The following MXI1 variants were observed in gnomAD, a reference collection of about 807,000 sequenced individuals.
MXI1 encodes the protein max-interacting protein 1.
MXI1 carries 18 observed loss-of-function variants against 36.9 expected under a neutral mutation model. The observed-to-expected ratio is 0.49, with a 90% confidence interval of 0.34 to 0.72. The LOEUF (loss-of-function observed/expected upper bound fraction) is 0.72. MXI1 is among the 30% of genes least tolerant of loss of function. The pLI is 0.01. For missense variants in MXI1, 304 were observed against 379.1 expected, an observed-to-expected ratio of 0.80 and a Z score of 1.64; for synonymous variants, 160 against 146.7, an observed-to-expected ratio of 1.09 and a Z score of -0.65.
intron 3 of MXI1, among the ~76,000 whole-genome samples, chr10:110,268,071 T>C (rs948918199): frequency 6.6e-6 from 1 of 152,218 alleles, no homozygotes; most frequent in Non-Finnish European, 1.5e-5. Context: ...GTGGTCAATA[T>C]GTTCTTGCTG....
chr10:110,227,782 C>G lies in MXI1; in HGVS notation c.275-407C>G, dbSNP rs909291794. 4 of 192,252 alleles carry G rather than the reference C, an allele frequency of 2.1e-5. No homozygotes were observed. In the South Asian group the frequency reaches 3.7e-4, roughly 18 times the overall value. The allele number at this position is 192,252 out of a possible 1,614,324, so 11.9% of individuals were successfully genotyped here. A position where few individuals can be genotyped will look rare whatever the true frequency, so the allele number is the denominator to read the frequency against. On this transcript the variant is annotated intron_variant, in intron 1 of 5. Transcript: ENST00000332674. ...AGAAAATGTCTTTCTAAGACTTGTT[C>G]GAAGTACACAAAAATATTGGGCTTA...
intron 3 of MXI1, among the ~76,000 whole-genome samples, chr10:110,264,529 C>T (rs1470119722): frequency 1.3e-5 from 2 of 151,802 alleles, no homozygotes; most frequent in African/African-American, 4.8e-5. Flanking sequence ...CCACACCCAG[C>T]TAATGTTTAT....
Position 110,284,863 on chromosome 10 carries a change from A to G in MXI1, c.764A>G (p.His255Arg). The change falls in exon 6 of 6, where the codon CAT becomes CGT. Residue 255 changes from histidine to arginine, a missense_variant. Coordinates refer to ENST00000332674, the MANE Select transcript of MXI1 (RefSeq NM_130439.3). ...EVDVESTEFS[H>R]GEVDNISTTS... ...GATGTTGAAAGCACAGAGTTCTCCC[A>G]TGGAGAAGTGGACAATATAAGTACC... The G allele has an allele frequency of 6.2e-7, 1 of 1,612,794 alleles. No individual in the cohort carries two copies. The highest frequency in any genetic ancestry group is 8.5e-7 in the Non-Finnish European group (1 of 1,179,656).
At chr10:110,226,365 G>A in intron 1 of MXI1, 3 of 1,372,012 alleles carry the variant, frequency 2.2e-6, no homozygotes, top group Non-Finnish European at 2.8e-6. Flanking sequence ...GGGAGGGCAC[G>A]CGTGTGAGGT....
At chr10:110,219,442 G>A (rs1271799482) in intron 1 of MXI1, among the ~76,000 whole-genome samples, 18 of 152,094 alleles carry the variant, frequency 1.2e-4, no homozygotes, top group Non-Finnish European at 5.9e-5. Context: ...ATTGCCGTTC[G>A]GAGTGAGTGT....
At chr10:110,239,579 T>TC (rs1855594263) in intron 2 of MXI1, among the ~76,000 whole-genome samples, 1 of 152,202 alleles carries the variant, frequency 6.6e-6, no homozygotes, top group Non-Finnish European at 1.5e-5. Flanking sequence ...TAATTAAATT[T>TC]CATTGTGATT....
rs188450789 is a variant in MXI1, at chr10:110,260,011, C to A, written c.437+15154C>A. ...TGGAACTTAACTCATAAGTAAATGA[C>A]TTCCTTGTTTTGTTGTTATTTTGGG... On this transcript the variant is annotated intron_variant, in intron 3 of 5. Transcript: ENST00000332674. 4.6e-3 allele frequency among the ~76,000 whole-genome samples: 692 copies of A among 152,066 alleles called. 2 individuals carry two copies. The highest frequency in any genetic ancestry group is 6.5e-3 in the Non-Finnish European group (444 of 67,892).
chr10:110,248,234 T>C (rs1165481601), intron 3 of MXI1, among the ~76,000 whole-genome samples: 3 of 152,092 alleles, frequency 2.0e-5, no homozygotes, highest in Non-Finnish European at 4.4e-5. Flanking sequence ...TTAGGAGATA[T>C]ACCTAATGCT....
At chr10:110,270,418 C>T (rs371540751) in intron 3 of MXI1, among the ~76,000 whole-genome samples, 2 of 151,638 alleles carry the variant, frequency 1.3e-5, no homozygotes, top group African/African-American at 4.8e-5. Context: ...AGAACAAATG[C>T]CTCTGGAACA....
intron 1 of MXI1, among the ~76,000 whole-genome samples, chr10:110,215,807 G>A (rs976963104): frequency 5.3e-5 from 8 of 152,164 alleles, no homozygotes; most frequent in Non-Finnish European, 1.0e-4. Flanking sequence ...CTTGACTGAG[G>A]AGGAGGAATT....
rs983946424 is a variant in MXI1 at position 110,273,837 on chromosome 10, A to G, written c.438-5343A>G. ...GACAAGCAGGTTCCAATGAAGGACC[A>G]TGCTTCCAAAGGCATCAGCCAGTGG... is the stretch of plus-strand genomic sequence containing the variant. On this transcript the variant is annotated intron_variant, in intron 3 of 5. Transcript: ENST00000332674. 7.2e-5 allele frequency among the ~76,000 whole-genome samples: 11 copies of G among 152,332 alleles called. No homozygotes were observed. In the South Asian group the frequency reaches 8.3e-4, roughly 11 times the overall value.
chr10:110,280,661 CAG>C (rs1297722066), intron 5 of MXI1, among the ~76,000 whole-genome samples: 2 of 145,658 alleles, frequency 1.4e-5, no homozygotes, highest in African/African-American at 5.1e-5. Context: ...GCCTGGGCAA[CAG>C]AGTGAGGTTC....
chr10:110,268,834 C>G (rs1275602782), intron 3 of MXI1, among the ~76,000 whole-genome samples: 1 of 152,056 alleles, frequency 6.6e-6, no homozygotes, highest in East Asian at 1.9e-4. Context: ...AAAAGACATA[C>G]CAAAACATTG....
chr10:110,242,929 C>G (rs1033524051), intron 2 of MXI1, among the ~76,000 whole-genome samples: 2 of 151,856 alleles, frequency 1.3e-5, no homozygotes, highest in African/African-American at 4.8e-5. Flanking sequence ...TGTGCATTGT[C>G]TTTTTGTTTT....
chr10:110,225,007 G>C (rs1315542142), intron 1 of MXI1, among the ~76,000 whole-genome samples: 2 of 152,194 alleles, frequency 1.3e-5, no homozygotes, highest in Non-Finnish European at 2.9e-5. Context: ...ACAGAGGAGA[G>C]CATAAGAGAA....
chr10:110,282,655 T>G (rs1564728298), intron 5 of MXI1, among the ~76,000 whole-genome samples: 1 of 152,074 alleles, frequency 6.6e-6, no homozygotes, highest in South Asian at 2.1e-4. Flanking sequence ...ACTATAGCTC[T>G]CATTTTTTTT....
intron 2 of MXI1, among the ~76,000 whole-genome samples, chr10:110,232,810 A>C (rs1855323245): frequency 6.6e-6 from 1 of 152,232 alleles, no homozygotes; most frequent in South Asian, 2.1e-4. Context: ...AAGGGATGTT[A>C]ATGATACATT....
At chr10:110,242,135 C>T (rs78793404) in intron 2 of MXI1, among the ~76,000 whole-genome samples, 3,197 of 152,058 alleles carry the variant, frequency 0.021, 52 homozygotes, top group African/African-American at 0.033. Flanking sequence ...GTTTCAGACT[C>T]TACTAGTAGC....
chr10:110,208,740 G>GCCCCCCCCCCC (rs34161324), intron 1 of MXI1: 1 of 95,772 alleles, frequency 1.0e-5, no homozygotes, highest in African/African-American at 5.0e-5. Context: ...TGCCACCGCC[G>GCCCCCCCCCCC]CCCCCCCCCC....
Sources: gnomAD v4.1 joint callset for allele counts (sites outside exome capture counted in the v4.1 genomes callset) on GRCh38, gnomAD v4.1.1 for gene constraint, MANE v1.5 for transcripts, NCBI Gene and HGNC (gene_info 2026-07-23, HGNC 2026-07-21) for gene names.